The following INPP4B variants were observed in gnomAD, a reference collection of about 807,000 sequenced individuals.
INPP4B encodes inositol polyphosphate-4-phosphatase type II B.
A neutral mutation model predicts 122.5 loss-of-function variants in INPP4B; 55 were observed. The observed-to-expected ratio is 0.45, with a 90% confidence interval of 0.36 to 0.56. The LOEUF (loss-of-function observed/expected upper bound fraction) is 0.56, where lower values mean the gene tolerates loss of function less well. Among genes scored for constraint, INPP4B ranks in the 20% least tolerant of loss-of-function variants. INPP4B has a pLI of 0.00. For missense variants in INPP4B, 1,000 were observed against 1,097.7 expected, an observed-to-expected ratio of 0.91 and a Z score of 1.26; for synonymous variants, 403 against 388.7, an observed-to-expected ratio of 1.04 and a Z score of -0.43.
chr4:142,146,950 T>A (rs1048035028), intron 17 of INPP4B, among the ~76,000 whole-genome samples: 7 of 152,170 alleles, frequency 4.6e-5, no homozygotes, highest in Non-Finnish European at 8.8e-5. Flanking sequence ...ATTCTTTGAT[T>A]CACAAAATTG....
At chr4:142,318,437 T>C (rs1768661336) in intron 7 of INPP4B, among the ~76,000 whole-genome samples, 2 of 152,058 alleles carry the variant, frequency 1.3e-5, no homozygotes, top group African/African-American at 4.8e-5. Context: ...AATATTCTGG[T>C]TCACCGACAA....
intron 9 of INPP4B, among the ~76,000 whole-genome samples, chr4:142,284,215 AG>A (rs1752476435): frequency 6.6e-6 from 1 of 152,194 alleles, no homozygotes; most frequent in African/African-American, 2.4e-5. Context: ...AGAGGACCAG[AG>A]AAATGGGACA....
chr4:142,178,465 T>C (rs933999429), intron 15 of INPP4B, among the ~76,000 whole-genome samples: 19 of 152,156 alleles, frequency 1.2e-4, no homozygotes, highest in African/African-American at 4.8e-5. Flanking sequence ...AAGAGAAATA[T>C]AATTTATTTT....
chr4:142,069,486 G>A (rs1159090759), intron 25 of INPP4B, among the ~76,000 whole-genome samples: 1 of 152,078 alleles, frequency 6.6e-6, no homozygotes, highest in Non-Finnish European at 1.5e-5. Flanking sequence ...TAAGATCAGA[G>A]CAGAACTGAA....
chr4:142,406,126 C>T (rs779989862), intron 5 of INPP4B, among the ~76,000 whole-genome samples: 1 of 152,116 alleles, frequency 6.6e-6, no homozygotes, highest in Non-Finnish European at 1.5e-5. Flanking sequence ...TCTCTATCCC[C>T]GCCACCCTCG....
At chr4:142,119,359 C>T (rs1055108412) in intron 21 of INPP4B, among the ~76,000 whole-genome samples, 16 of 152,018 alleles carry the variant, frequency 1.1e-4, no homozygotes, top group African/African-American at 1.4e-4. Flanking sequence ...ACGTTTGTTG[C>T]GGCACTATTC....
intron 17 of INPP4B, 44 bp downstream of exon 17, chr4:142,160,314 T>A (rs544488225): frequency 3.2e-6 from 4 of 1,260,106 alleles, no homozygotes; most frequent in East Asian, 4.7e-5. Context: ...ACCTTATTTC[T>A]CATTGCCAAA....
chr4:142,508,761 A>G (rs1824338147), intron 2 of INPP4B, among the ~76,000 whole-genome samples: 1 of 152,178 alleles, frequency 6.6e-6, no homozygotes, highest in East Asian at 1.9e-4. Context: ...TTTGCCCCTT[A>G]CAGGACATCT....
At chr4:142,781,464 G>A (rs1354775222) in intron 1 of INPP4B, among the ~76,000 whole-genome samples, 3 of 152,062 alleles carry the variant, frequency 2.0e-5, no homozygotes, top group African/African-American at 7.2e-5. Context: ...TAACACCCAG[G>A]GTAGTTCACT....
intron 7 of INPP4B, among the ~76,000 whole-genome samples, chr4:142,379,084 A>G (rs1044376989): frequency 6.6e-6 from 1 of 152,192 alleles, no homozygotes; most frequent in African/African-American, 2.4e-5. Context: ...TATAACTATC[A>G]GTGCCCTTTT....
At chr4:142,222,460 T>C (rs1849745689) in intron 12 of INPP4B, among the ~76,000 whole-genome samples, 1 of 152,176 alleles carries the variant, frequency 6.6e-6, no homozygotes, top group South Asian at 2.1e-4. Context: ...TAGGCACCCA[T>C]AGTATCTCCT....
chr4:142,532,068 C>T (rs755150653), intron 2 of INPP4B, among the ~76,000 whole-genome samples: 1 of 152,150 alleles, frequency 6.6e-6, no homozygotes, highest in Non-Finnish European at 1.5e-5. Context: ...TTGATTTCTG[C>T]ATTCACTTTT....
intron 7 of INPP4B, chr4:142,384,150 A>G (rs1308689411): frequency 4.3e-6 from 3 of 701,930 alleles, no homozygotes; most frequent in Non-Finnish European, 7.8e-6. Flanking sequence ...TAAGTTTCCA[A>G]TCTGACATAG....
chr4:142,643,493 G>A (rs375805684), intron 2 of INPP4B, among the ~76,000 whole-genome samples: 9 of 152,138 alleles, frequency 5.9e-5, no homozygotes, highest in East Asian at 1.9e-4. Context: ...CCTCTAATGC[G>A]CTGGCAATCT....
chr4:142,844,848 C>T (rs1024832312), intron 1 of INPP4B, among the ~76,000 whole-genome samples: 2 of 152,116 alleles, frequency 1.3e-5, no homozygotes, highest in Non-Finnish European at 2.9e-5. Flanking sequence ...AGTTGTACAC[C>T]TATAAAAGAA....
chr4:142,636,567 G>A (rs1294400794), intron 2 of INPP4B, among the ~76,000 whole-genome samples: 1 of 151,830 alleles, frequency 6.6e-6, no homozygotes, highest in Non-Finnish European at 1.5e-5. Flanking sequence ...TTGACCAAGA[G>A]GTATTAGTTT....
chr4:142,718,085 G>C (rs1764035755), intron 2 of INPP4B, among the ~76,000 whole-genome samples: 1 of 152,050 alleles, frequency 6.6e-6, no homozygotes, highest in Non-Finnish European at 1.5e-5. Flanking sequence ...AGGCTGTATA[G>C]CTACAAGGCA....
At chr4:142,593,744 C>T (rs998481406) in intron 2 of INPP4B, among the ~76,000 whole-genome samples, 10 of 152,042 alleles carry the variant, frequency 6.6e-5, no homozygotes, top group African/African-American at 1.9e-4. Context: ...TTATTATTAT[C>T]GTTGAATTAT....
chr4:142,161,524 T>C (rs1456061113), intron 16 of INPP4B, among the ~76,000 whole-genome samples: 1 of 151,956 alleles, frequency 6.6e-6, no homozygotes, highest in Non-Finnish European at 1.5e-5. Context: ...TAATTGATAT[T>C]GCCACCATTT....
Sources: gnomAD v4.1 joint callset for allele counts (sites outside exome capture counted in the v4.1 genomes callset) on GRCh38, gnomAD v4.1.1 for gene constraint, MANE v1.5 for transcripts, NCBI Gene and HGNC (gene_info 2026-07-23, HGNC 2026-07-21) for gene names.